SYTL4: variants seen among roughly 807,000 people sequenced by gnomAD.
SYTL4 encodes the protein synaptotagmin-like protein 4.
SYTL4 carries 16 observed loss-of-function variants against 52.7 expected under a neutral mutation model. The ratio of observed to expected loss-of-function variants is 0.30; its 90% CI spans 0.21 to 0.46. The LOEUF (loss-of-function observed/expected upper bound fraction) is 0.46, where lower values mean the gene tolerates loss of function less well. Among genes scored for constraint, SYTL4 ranks in the 20% least tolerant of loss-of-function variants. The probability of loss-of-function intolerance (pLI) is 1.00; values close to 1 mark genes in which losing one functional copy is unlikely to be tolerated. For synonymous variants in SYTL4, 160 were observed against 186.6 expected, an observed-to-expected ratio of 0.86 and a Z score of 1.16; for missense variants, 423 against 519.9, an observed-to-expected ratio of 0.81 and a Z score of 1.81.
At chrX:100,680,252 T>A (rs2083348985) in intron 17 of SYTL4, among the ~76,000 whole-genome samples, 1 of 111,139 alleles carries the variant, frequency 9.0e-6, no homozygotes, top group Non-Finnish European at 1.9e-5. Context: ...AACCTTTTAC[T>A]TCACTGGTGT....
Position 100,689,901 on chromosome X carries a change from G to A in SYTL4, c.867C>T (p.Ser289=). Residue 289 remains serine (S), a synonymous_variant, in exon 12 of 20, where the codon TCC becomes TCT. Transcript: ENST00000372989. ...GGACGGATTTGCTTCTGTCTCCCAAGGAGCCACTTTCATGTACCACATCTT... is the reference window on the plus strand; with the variant it reads ...GGACGGATTTGCTTCTGTCTCCCAAAGAGCCACTTTCATGTACCACATCTT... ...RPEDVVHESG[S]LGDRSKSVPG... 1 of 1,210,320 alleles carries A rather than the reference G, an allele frequency of 8.3e-7. No individual in the cohort carries two copies. Among genetic ancestry groups the A allele is most frequent in the Non-Finnish European group, 1.1e-6 (1 of 894,414 alleles).
At chrX:100,684,694 C>CTTT (rs779207059) in intron 16 of SYTL4, 2 of 94,953 alleles carry the variant, frequency 2.1e-5, no homozygotes, top group African/African-American at 7.5e-5. Flanking sequence ...TTCTTTCTTT[C>CTTT]TTTTTTTTTT....
At chrX:100,710,848 C>A in intron 2 of SYTL4, among the ~76,000 whole-genome samples, 1 of 111,937 alleles carries the variant, frequency 8.9e-6, no homozygotes, top group Middle Eastern at 4.7e-3. Flanking sequence ...TGAGAGAGCT[C>A]CACAGAAAGA....
intron 2 of SYTL4, among the ~76,000 whole-genome samples, chrX:100,716,554 AAAAAAAAAAAAAG>A (rs1374260966): frequency 9.4e-6 from 1 of 106,015 alleles, no homozygotes; most frequent in Non-Finnish European, 1.9e-5. Context: ...CTTAAAAAAA[AAAAAAAAAAAAAG>A]AAAAAAACTC....
At chrX:100,695,813 T>A (rs1431376390) in intron 8 of SYTL4, among the ~76,000 whole-genome samples, 1 of 112,103 alleles carries the variant, frequency 8.9e-6, no homozygotes, top group African/African-American at 3.2e-5. Context: ...AATGAACATA[T>A]CTTTCACTCC....
At chrX:100,719,733 C>T (rs1176427769) in intron 2 of SYTL4, among the ~76,000 whole-genome samples, 4 of 111,162 alleles carry the variant, frequency 3.6e-5, no homozygotes, top group Non-Finnish European at 7.5e-5. Flanking sequence ...AACTAAAATG[C>T]CTCTTTTGTT....
chrX:100,676,124 C>T lies in SYTL4; in HGVS notation c.1920G>A (p.Val640=). The change falls in exon 20 of 20, where the codon GTG becomes GTA. Residue 640 remains valine (V), a synonymous_variant. Transcript: ENST00000372989. ...ACTGTCGCATCTTCTGCCACAGGCT[C>T]ACTTCTTCCCCAGTCGAGTCCATCC... ...VDWMDSTGEE[V]SLWQKMRQYP... 2 of 1,211,043 alleles carry T rather than the reference C, an allele frequency of 1.7e-6. No homozygotes were observed. Among genetic ancestry groups the T allele is most frequent in the Non-Finnish European group, 2.2e-6 (2 of 895,366 alleles).
Position 100,688,384 on chromosome X carries a change from TA to T in SYTL4, c.971del (p.Leu324GlnfsTer12). 8.3e-7 allele frequency: 1 copy of T among 1,211,166 alleles called. No homozygotes were observed. Among genetic ancestry groups the T allele is most frequent in the Non-Finnish European group, 1.1e-6 (1 of 895,079 alleles). ...DHLVKLHRQK[L>X]ARSSMQSGSS... ...AGCCACTTTGCATGCTGCTTCTGGC[TA>T]GCTTCTGGCGATGTAACTTCACTAG... On this transcript the variant is annotated frameshift_variant, in exon 13 of 20. Coordinates refer to ENST00000372989, the MANE Select transcript of SYTL4 (RefSeq NM_001370165.1). LOFTEE classifies it high-confidence loss of function.
intron 2 of SYTL4, among the ~76,000 whole-genome samples, chrX:100,708,418 G>T (rs1389321052): frequency 1.8e-5 from 2 of 111,335 alleles, no homozygotes; most frequent in Non-Finnish European, 3.8e-5. Context: ...TGTAGACAAG[G>T]TGAACAACAC....
At chrX:100,684,148 AT>A (rs1221915259) in intron 16 of SYTL4, among the ~76,000 whole-genome samples, 1 of 111,826 alleles carries the variant, frequency 8.9e-6, no homozygotes, top group Non-Finnish European at 1.9e-5. Context: ...AACATTTATC[AT>A]TTTTTTGCAC....
intron 2 of SYTL4, among the ~76,000 whole-genome samples, chrX:100,722,135 T>A (rs2084354272): frequency 9.0e-6 from 1 of 111,403 alleles, no homozygotes; most frequent in African/African-American, 3.3e-5. Context: ...CTTGTCAATA[T>A]CCTCAATAAT....
At chrX:100,700,757 C>T in intron 8 of SYTL4, 140 bp downstream of exon 8, 2 of 479,232 alleles carry the variant, frequency 4.2e-6, no homozygotes, top group Non-Finnish European at 3.5e-6. Flanking sequence ...TGATTTTTTC[C>T]CTCCTTTACT....
chrX:100,690,136 TACC>T lies in SYTL4; in HGVS notation c.744_746del (p.Val249del), dbSNP rs1284091106. ...ATATCATCTCACCCTCATCCACAAA[TACC>T]ACATTTTGACCTCCAGGCTGAGTTT... On this transcript the variant is annotated inframe_deletion, in exon 11 of 20. Transcript: ENST00000372989. 1 of 1,208,309 alleles carries T rather than the reference TACC, an allele frequency of 8.3e-7. No homozygotes were observed. Among genetic ancestry groups the T allele is most frequent in the Non-Finnish European group, 1.1e-6 (1 of 894,369 alleles).
intron 2 of SYTL4, among the ~76,000 whole-genome samples, chrX:100,718,795 A>G (rs1165856610): frequency 1.2e-5 from 1 of 85,456 alleles, no homozygotes; most frequent in South Asian, 7.1e-4. Context: ...TGTGCTTTTC[A>G]CTCCTTTTTT....
intron 2 of SYTL4, among the ~76,000 whole-genome samples, chrX:100,719,784 G>A (rs1239366482): frequency 9.0e-6 from 1 of 111,617 alleles, no homozygotes; most frequent in Non-Finnish European, 1.9e-5. Flanking sequence ...CCTCCAGATG[G>A]AATCCACATA....
chrX:100,714,562 G>GT (rs201062284), intron 2 of SYTL4, among the ~76,000 whole-genome samples: 13,518 of 111,106 alleles, frequency 0.12, 1,569 homozygotes, highest in African/African-American at 0.37. Flanking sequence ...CCTGGCCAAG[G>GT]TTTTTTAATA....
intron 9 of SYTL4, 103 bp from the exon 10 acceptor site, chrX:100,690,741 G>A (rs1389757881): frequency 1.6e-5 from 9 of 574,969 alleles, no homozygotes; most frequent in African/African-American, 9.3e-5. Context: ...TTGGGTCATC[G>A]TAATAACCAA....
intron 2 of SYTL4, among the ~76,000 whole-genome samples, chrX:100,714,336 T>G (rs1371609261): frequency 1.8e-5 from 2 of 108,637 alleles, no homozygotes; most frequent in East Asian, 5.8e-4. Context: ...CTTGGCTCAC[T>G]GCAAGCTCCG....
At chrX:100,699,655 A>T (rs1268125715) in intron 8 of SYTL4, among the ~76,000 whole-genome samples, 158 of 71,699 alleles carry the variant, frequency 2.2e-3, no homozygotes, top group Non-Finnish European at 3.6e-3. Flanking sequence ...CACCTGGCTA[A>T]TTTTTTTTTT....
Sources: gnomAD v4.1 joint callset for allele counts (sites outside exome capture counted in the v4.1 genomes callset) on GRCh38, gnomAD v4.1.1 for gene constraint, MANE v1.5 for transcripts, NCBI Gene and HGNC (gene_info 2026-07-23, HGNC 2026-07-21) for gene names.